OR9Q1: variants seen among roughly 807,000 people sequenced by gnomAD.
OR9Q1 encodes the protein olfactory receptor 9Q1.
For missense variants in OR9Q1, 374 were observed against 378.8 expected (o/e 0.99, Z 0.11); for synonymous variants, 153 against 148.6 (o/e 1.03, Z -0.22).
At chr11:58,026,469 G>T (rs1852973864) in intron 1 of OR9Q1, among the ~76,000 whole-genome samples, 1 of 151,974 alleles carries the variant, frequency 6.6e-6, no homozygotes, top group African/African-American at 2.4e-5. Context: ...ATCATTTGAG[G>T]TCAGGAGTTC....
In OR9Q1 at chr11:58,179,722, C is replaced by T. The variant is rs1565098582; in HGVS notation, c.278C>T (p.Ser93Phe). The T allele has an allele frequency of 1.2e-6, 2 of 1,614,100 alleles. No individual in the cohort carries two copies. ...CTGCTGGAGCATGGGGCAGCTTTATCTTACACACGCTGTGCTGCTCAGTTC... is the reference window on the plus strand; with the variant it reads ...CTGCTGGAGCATGGGGCAGCTTTATTTTACACACGCTGTGCTGCTCAGTTC... ...AVLLEHGAAL[S>F]YTRCAAQFFL... Residue 93 changes from serine to phenylalanine, a missense_variant, in exon 3 of 3, where the codon TCT (serine) becomes TTT (phenylalanine). Transcript: ENST00000335397.
chr11:58,140,577 G>A (rs1293118562), intron 2 of OR9Q1, among the ~76,000 whole-genome samples: 3 of 152,112 alleles, frequency 2.0e-5, no homozygotes, highest in South Asian at 2.1e-4. Context: ...TGTCAGGTTT[G>A]TCAAAGGTCA....
chr11:58,042,802 TG>T (rs1328231812), intron 1 of OR9Q1, among the ~76,000 whole-genome samples: 1 of 152,226 alleles, frequency 6.6e-6, no homozygotes, highest in Non-Finnish European at 1.5e-5. Context: ...TCCATTCGTT[TG>T]TATCCTCTTT....
At chr11:58,106,641 G>A (rs1036834979) in intron 2 of OR9Q1, among the ~76,000 whole-genome samples, 1 of 152,086 alleles carries the variant, frequency 6.6e-6, no homozygotes, top group African/African-American at 2.4e-5. Flanking sequence ...TTACATTTAA[G>A]TTTTTAATCT....
At chr11:58,036,544 C>A (rs1853102521) in intron 1 of OR9Q1, among the ~76,000 whole-genome samples, 1 of 152,156 alleles carries the variant, frequency 6.6e-6, no homozygotes, top group Non-Finnish European at 1.5e-5. Context: ...AAAGTAAATT[C>A]AAAATCTTCT....
chr11:58,089,574 G>A (rs1853665093), intron 2 of OR9Q1, among the ~76,000 whole-genome samples: 1 of 151,900 alleles, frequency 6.6e-6, no homozygotes, highest in Admixed American at 6.6e-5. Flanking sequence ...ATAGTTTGAA[G>A]TCAGGCAGCA....
At chr11:58,106,434 C>T (rs1333533236) in intron 2 of OR9Q1, among the ~76,000 whole-genome samples, 1 of 151,890 alleles carries the variant, frequency 6.6e-6, no homozygotes, top group Non-Finnish European at 1.5e-5. Context: ...TATTTTTTCC[C>T]ATTCTTTGGG....
intron 2 of OR9Q1, among the ~76,000 whole-genome samples, chr11:58,169,053 A>T (rs1199608475): frequency 6.6e-6 from 1 of 152,198 alleles, no homozygotes; most frequent in Non-Finnish European, 1.5e-5. Context: ...ATTAACACAA[A>T]CTTGACTGAC....
At chr11:58,176,315 C>T (rs1057047088) in intron 2 of OR9Q1, among the ~76,000 whole-genome samples, 3 of 152,232 alleles carry the variant, frequency 2.0e-5, no homozygotes, top group Non-Finnish European at 4.4e-5. Context: ...GGGTGCATGG[C>T]AGGGCTTTGA....
intron 2 of OR9Q1, among the ~76,000 whole-genome samples, chr11:58,126,657 G>A (rs1390010032): frequency 6.6e-6 from 1 of 152,008 alleles, no homozygotes; most frequent in East Asian, 1.9e-4. Flanking sequence ...ATACATTTTT[G>A]GACAATATTT....
chr11:58,072,327 A>G (rs1853495893), intron 2 of OR9Q1: 1 of 152,582 alleles, frequency 6.6e-6, no homozygotes, highest in African/African-American at 2.4e-5. Flanking sequence ...TCACATCTAG[A>G]TGTCTATTCT....
Position 58,091,183 on chromosome 11 carries a change from T to C in OR9Q1, c.-15+35236T>C, listed in dbSNP as rs144592475. ...ATCTTAGTTATTTCTTGCCTTCTGC[T>C]AGCTTTCGAATGTGTTTGCTCTTGC... On this transcript the variant is annotated intron_variant, in intron 2 of 2. Coordinates refer to ENST00000335397, the MANE Select transcript of OR9Q1 (RefSeq NM_001005212.4). 2.2e-4 allele frequency among the ~76,000 whole-genome samples: 33 copies of C among 152,328 alleles called. No individual in the cohort carries two copies. In the East Asian group the frequency reaches 6.2e-3, roughly 28 times the overall value.
At chr11:58,158,421 C>CTTTT (rs10600970) in intron 2 of OR9Q1, among the ~76,000 whole-genome samples, 1 of 133,734 alleles carries the variant, frequency 7.5e-6, no homozygotes, top group African/African-American at 2.8e-5. Flanking sequence ...CCTAGGTCTG[C>CTTTT]TTTTTTTTTT....
chr11:58,042,490 G>A (rs528642833), intron 1 of OR9Q1, among the ~76,000 whole-genome samples: 27 of 151,696 alleles, frequency 1.8e-4, no homozygotes, highest in Admixed American at 5.3e-4. Flanking sequence ...GCTCTGTTCC[G>A]TTCCATTGAT....
At chr11:58,152,894 C>A (rs1854367944) in intron 2 of OR9Q1, among the ~76,000 whole-genome samples, 1 of 152,192 alleles carries the variant, frequency 6.6e-6, no homozygotes, top group African/African-American at 2.4e-5. Flanking sequence ...GTGCAAGTTT[C>A]CATCTCTCTG....
intron 2 of OR9Q1, among the ~76,000 whole-genome samples, chr11:58,091,810 A>T (rs1186155636): frequency 2.6e-5 from 4 of 152,072 alleles, no homozygotes; most frequent in Non-Finnish European, 5.9e-5. Context: ...TTGTTTTATG[A>T]ATCTGTGTAC....
At chr11:58,123,693 T>A (rs542953071) in intron 2 of OR9Q1, among the ~76,000 whole-genome samples, 30 of 152,284 alleles carry the variant, frequency 2.0e-4, no homozygotes, top group African/African-American at 7.0e-4. Flanking sequence ...ACATTCTAAT[T>A]CCAAATTCTG....
At chr11:58,074,075 T>C (rs1853515883) in intron 2 of OR9Q1, among the ~76,000 whole-genome samples, 1 of 152,206 alleles carries the variant, frequency 6.6e-6, no homozygotes, top group Non-Finnish European at 1.5e-5. Context: ...GGGTTTGCTA[T>C]TGTAAATTGT....
At chr11:58,031,752 A>G (rs944577152) in intron 1 of OR9Q1, 7 of 1,613,968 alleles carry the variant, frequency 4.3e-6, no homozygotes, top group African/African-American at 1.3e-5. Flanking sequence ...GTCCAGACCA[A>G]GGTGACCTCC....
Sources: allele counts gnomAD v4.1 joint callset (sites outside exome capture counted in the v4.1 genomes callset), GRCh38; gene constraint gnomAD v4.1.1; transcripts MANE v1.5; gene names NCBI Gene and HGNC (gene_info 2026-07-23, HGNC 2026-07-21).